GRID2: variants seen among roughly 807,000 people sequenced by gnomAD.
The protein encoded by GRID2 is glutamate ionotropic receptor delta type subunit 2.
A neutral mutation model predicts 114.8 loss-of-function variants in GRID2; 33 were observed. That is an observed-to-expected ratio of 0.29 (90% CI 0.22 to 0.38). The LOEUF (loss-of-function observed/expected upper bound fraction) is 0.38. Ranked by LOEUF, GRID2 falls within the 10% of genes least tolerant of loss-of-function variation. The probability of loss-of-function intolerance (pLI) is 1.00; values close to 1 mark genes in which losing one functional copy is unlikely to be tolerated. For missense variants in GRID2, 1,184 were observed against 1,257.7 expected (o/e 0.94, Z 0.89); for synonymous variants, 505 against 449.9 (o/e 1.12, Z -1.55).
At chr4:93,637,908 A>G (rs1721559488) in intron 14 of GRID2, among the ~76,000 whole-genome samples, 1 of 152,166 alleles carries the variant, frequency 6.6e-6, no homozygotes, top group African/African-American at 2.4e-5. Context: ...ATAAACTAAC[A>G]TCATAATTGG....
chr4:92,685,891 A>T (rs1045888016), intron 2 of GRID2, among the ~76,000 whole-genome samples: 4 of 152,050 alleles, frequency 2.6e-5, no homozygotes, highest in Admixed American at 2.0e-4. Flanking sequence ...CAGTAAAGTG[A>T]GTATGATTTT....
intron 14 of GRID2, among the ~76,000 whole-genome samples, chr4:93,672,883 C>A (rs1724550358): frequency 6.6e-6 from 1 of 151,824 alleles, no homozygotes; most frequent in Non-Finnish European, 1.5e-5. Flanking sequence ...AAAGATAAGC[C>A]CTTTAAAAAA....
chr4:93,459,110 C>T (rs900461811), intron 11 of GRID2, among the ~76,000 whole-genome samples: 3 of 126,130 alleles, frequency 2.4e-5, no homozygotes, highest in African/African-American at 9.0e-5. Flanking sequence ...AACCCAGGAG[C>T]GGGAGGTTGC....
chr4:93,431,602 A>G (rs995362048), intron 10 of GRID2, among the ~76,000 whole-genome samples: 22 of 152,158 alleles, frequency 1.4e-4, no homozygotes, highest in African/African-American at 5.3e-4. Context: ...CCAGACTGCA[A>G]AAGATGATGG....
At chr4:92,651,150 C>T (rs756710422) in intron 2 of GRID2, among the ~76,000 whole-genome samples, 13 of 151,898 alleles carry the variant, frequency 8.6e-5, no homozygotes, top group African/African-American at 1.9e-4. Flanking sequence ...CATTGTATGC[C>T]GGAAAGGAAA....
At chr4:93,779,554 T>A (rs547341448), downstream of GRID2, among the ~76,000 whole-genome samples, 1 of 152,116 alleles carries the variant, frequency 6.6e-6, no homozygotes, top group South Asian at 2.1e-4. Context: ...ATATAAACAT[T>A]TGAAAAGTGA....
chr4:92,711,497 C>A (rs1486904784), intron 2 of GRID2, among the ~76,000 whole-genome samples: 2 of 152,226 alleles, frequency 1.3e-5, no homozygotes. Flanking sequence ...CACTCTCAGG[C>A]TTTGCCTTGT....
At chr4:92,737,192 C>G (rs1361535318) in intron 2 of GRID2, among the ~76,000 whole-genome samples, 2 of 151,930 alleles carry the variant, frequency 1.3e-5, no homozygotes, top group Admixed American at 6.6e-5. Flanking sequence ...TTTTTTGATA[C>G]AAATCCTCAT....
chr4:93,646,699 A>G (rs1443756094), intron 14 of GRID2, among the ~76,000 whole-genome samples: 1 of 152,134 alleles, frequency 6.6e-6, no homozygotes, highest in East Asian at 1.9e-4. Flanking sequence ...GCAGTAATCC[A>G]GGAGAGAGAG....
At chr4:93,783,611 A>T (rs1290163916) in intron 1 of GRID2, among the ~76,000 whole-genome samples, 1 of 152,210 alleles carries the variant, frequency 6.6e-6, no homozygotes, top group Non-Finnish European at 1.5e-5. Flanking sequence ...ACACAAACAG[A>T]TTCAGAGAAA....
At chr4:92,719,423 T>G (rs976246186) in intron 2 of GRID2, among the ~76,000 whole-genome samples, 1 of 152,208 alleles carries the variant, frequency 6.6e-6, no homozygotes. Flanking sequence ...CTTGTAAATA[T>G]TAAATGCTAC....
At chr4:92,626,514 C>A (rs889912795) in intron 2 of GRID2, among the ~76,000 whole-genome samples, 1 of 151,880 alleles carries the variant, frequency 6.6e-6, no homozygotes, top group Non-Finnish European at 1.5e-5. Flanking sequence ...TCAGCCTTGA[C>A]TTTAGATGGA....
chr4:93,700,152 G>T (rs2196831), intron 14 of GRID2, among the ~76,000 whole-genome samples: 134,012 of 152,140 alleles, frequency 0.88, 59,015 homozygotes, highest in East Asian at 0.95. Flanking sequence ...ACTTTACATT[G>T]GGATACTTTC....
intron 1 of GRID2, among the ~76,000 whole-genome samples, chr4:92,447,962 C>T (rs544557310): frequency 2.2e-4 from 33 of 152,084 alleles, no homozygotes; most frequent in Non-Finnish European, 4.4e-4. Context: ...AGCTGAAGTG[C>T]TTTAAACAAA....
chr4:93,231,347 G>A (rs908099420), intron 7 of GRID2, among the ~76,000 whole-genome samples: 1 of 142,228 alleles, frequency 7.0e-6, no homozygotes, highest in African/African-American at 2.6e-5. Flanking sequence ...ATTGTAGAAT[G>A]TACTGTGCAA....
chr4:92,844,123 T>G (rs1244629927), intron 2 of GRID2, among the ~76,000 whole-genome samples: 1 of 152,154 alleles, frequency 6.6e-6, no homozygotes, highest in East Asian at 1.9e-4. Flanking sequence ...ATTTTGAAAT[T>G]TATTAAATTC....
intron 2 of GRID2, among the ~76,000 whole-genome samples, chr4:92,803,776 G>T (rs1284029036): frequency 6.6e-6 from 1 of 151,914 alleles, no homozygotes; most frequent in African/African-American, 2.4e-5. Flanking sequence ...CATTCTTTTT[G>T]TATTTGTTTC....
intron 4 of GRID2, among the ~76,000 whole-genome samples, chr4:93,129,795 C>A (rs915489741): frequency 2.9e-5 from 4 of 138,574 alleles, no homozygotes; most frequent in African/African-American, 1.2e-4. Flanking sequence ...ATCTCAAAGT[C>A]ATGTCTCCAT....
At position 92,922,403 on chromosome 4, in the gene GRID2, T is replaced by C. The variant is rs572955228; in HGVS notation, c.245-162592T>C. Among the ~76,000 whole-genome samples the C allele has an allele frequency of 1.3e-3, 201 of 152,150 alleles. 1 individual carries two copies. Among genetic ancestry groups the C allele is most frequent in the Non-Finnish European group, 2.5e-3 (167 of 68,012 alleles). On this transcript the variant is annotated intron_variant, in intron 2 of 15. Transcript: ENST00000282020. Reference sequence around the variant, plus strand: ...AGTGAGATGAACCCAGTACCTCAGTTGGAAATGCAGAAATCACCCATCCTC... The same window carrying C: ...AGTGAGATGAACCCAGTACCTCAGTCGGAAATGCAGAAATCACCCATCCTC...
Sources: gnomAD v4.1 joint callset for allele counts (sites outside exome capture counted in the v4.1 genomes callset) on GRCh38, gnomAD v4.1.1 for gene constraint, MANE v1.5 for transcripts, NCBI Gene and HGNC (gene_info 2026-07-23, HGNC 2026-07-21) for gene names.